The following IL1RAPL2 variants were observed in gnomAD, a reference collection of about 807,000 sequenced individuals.
IL1RAPL2 encodes the protein X-linked interleukin-1 receptor accessory protein-like 2.
Under a neutral mutation model 44.1 loss-of-function variants are expected in IL1RAPL2, and 3 were observed. The observed-to-expected ratio is 0.07, with a 90% CI of 0.03 to 0.18. The LOEUF is 0.18. Ranked by LOEUF, IL1RAPL2 falls within the 10% of genes least tolerant of loss-of-function variation. The pLI, the probability that IL1RAPL2 is intolerant of heterozygous loss-of-function variation, is 1.00. For missense variants in IL1RAPL2, 391 were observed against 496.4 expected, an observed-to-expected ratio of 0.79 and a Z score of 2.02; for synonymous variants, 181 against 178.8, an observed-to-expected ratio of 1.01 and a Z score of -0.10.
intron 4 of IL1RAPL2, among the ~76,000 whole-genome samples, chrX:105,261,811 T>G (rs1434151629): frequency 9.0e-6 from 1 of 111,323 alleles, no homozygotes; most frequent in Non-Finnish European, 1.9e-5. Flanking sequence ...GGAGTCCTAA[T>G]TGATGTGTTG....
intron 2 of IL1RAPL2, among the ~76,000 whole-genome samples, chrX:104,964,122 T>C (rs2030066030): frequency 9.1e-6 from 1 of 110,394 alleles, no homozygotes; most frequent in African/African-American, 3.3e-5. Flanking sequence ...TTTTCAGAAC[T>C]AATATCCATT....
At chrX:105,243,758 C>T (rs1286635757) in intron 4 of IL1RAPL2, among the ~76,000 whole-genome samples, 1 of 109,164 alleles carries the variant, frequency 9.2e-6, no homozygotes, top group African/African-American at 3.3e-5. Flanking sequence ...AGAATAGGGC[C>T]AACAAAGCAT....
At chrX:104,883,726 G>A (rs1489120688) in intron 2 of IL1RAPL2, among the ~76,000 whole-genome samples, 1 of 110,968 alleles carries the variant, frequency 9.0e-6, no homozygotes, top group Non-Finnish European at 1.9e-5. Context: ...AGGCACCCAG[G>A]CTCACCAATC....
At chrX:105,042,122 C>A (rs2031754022) in intron 2 of IL1RAPL2, among the ~76,000 whole-genome samples, 2 of 111,210 alleles carry the variant, frequency 1.8e-5, no homozygotes, top group South Asian at 3.8e-4. Flanking sequence ...ACCATAAAAA[C>A]CCTAGAAGAA....
chrX:104,677,261 A>G (rs1299870942), intron 2 of IL1RAPL2, among the ~76,000 whole-genome samples: 1 of 110,836 alleles, frequency 9.0e-6, no homozygotes, highest in Admixed American at 9.6e-5. Flanking sequence ...ATGGTGATGT[A>G]CAGATGGGTT....
chrX:105,492,568 CTAA>C (rs1171760456), intron 6 of IL1RAPL2, among the ~76,000 whole-genome samples: 10 of 109,333 alleles, frequency 9.1e-5, no homozygotes, highest in Admixed American at 9.9e-5. Flanking sequence ...AATTCTACTA[CTAA>C]TAATAATTAT....
chrX:104,928,457 C>T (rs936028770), intron 2 of IL1RAPL2, among the ~76,000 whole-genome samples: 4 of 111,323 alleles, frequency 3.6e-5, no homozygotes, highest in African/African-American at 1.3e-4. Context: ...TTGGAAGAAA[C>T]ATTTTAGCTT....
chrX:105,047,259 C>T (rs1303221568), intron 2 of IL1RAPL2, among the ~76,000 whole-genome samples: 1 of 111,473 alleles, frequency 9.0e-6, no homozygotes, highest in East Asian at 2.8e-4. Context: ...TTCCAAAAAG[C>T]ATCACAGCTT....
chrX:105,188,074 G>C (rs2033605196), intron 2 of IL1RAPL2, among the ~76,000 whole-genome samples: 1 of 111,652 alleles, frequency 9.0e-6, no homozygotes, highest in African/African-American at 3.3e-5. Flanking sequence ...ATAGTCTTCA[G>C]TGTCTTTAAG....
chrX:104,923,654 G>A (rs1473392358), intron 2 of IL1RAPL2, among the ~76,000 whole-genome samples: 2 of 111,569 alleles, frequency 1.8e-5, no homozygotes, highest in African/African-American at 6.5e-5. Context: ...GCTCAAAGGT[G>A]TGATAAACAT....
At position 105,392,156 on chromosome X, in the gene IL1RAPL2, T is replaced by TA. The variant is rs1283898555; in HGVS notation, c.698-92150dup. Among the ~76,000 whole-genome samples, 5 of 106,984 alleles carry TA rather than the reference T, an allele frequency of 4.7e-5. No homozygotes were observed. In the Admixed American group the frequency reaches 5.1e-4, roughly 11 times the overall value. The allele number at this position is 106,984 out of a possible 115,157, so 92.9% of individuals were successfully genotyped here. A position where few individuals can be genotyped will look rare whatever the true frequency, so the allele number is the denominator to read the frequency against. ...AACTTAAAGTATAATAATAATAAAA[T>TA]AAAAAAATAAAAAATAAAAAAAAAA... On this transcript the variant is annotated intron_variant, in intron 5 of 10. Transcript: ENST00000372582.
At chrX:105,210,460 C>T (rs1477229579) in intron 3 of IL1RAPL2, among the ~76,000 whole-genome samples, 2 of 110,681 alleles carry the variant, frequency 1.8e-5, no homozygotes, top group East Asian at 2.9e-4. Context: ...AGTGGACATT[C>T]GGCAATATCT....
chrX:105,081,586 TC>T (rs2032407687), intron 2 of IL1RAPL2, among the ~76,000 whole-genome samples: 1 of 111,570 alleles, frequency 9.0e-6, no homozygotes, highest in Non-Finnish European at 1.9e-5. Flanking sequence ...AGCTCCTTGG[TC>T]CCATTCAGTA....
intron 2 of IL1RAPL2, among the ~76,000 whole-genome samples, chrX:104,979,997 C>G (rs1270298419): frequency 8.9e-6 from 1 of 111,927 alleles, no homozygotes; most frequent in East Asian, 2.8e-4. Context: ...TACAGATATA[C>G]TTGTGTATGC....
chrX:105,374,010 T>C (rs1263460180), intron 5 of IL1RAPL2, among the ~76,000 whole-genome samples: 1 of 108,212 alleles, frequency 9.2e-6, no homozygotes, highest in African/African-American at 3.4e-5. Context: ...TCCCAGCTAC[T>C]TGGGAGGCTG....
intron 10 of IL1RAPL2, among the ~76,000 whole-genome samples, chrX:105,757,168 C>T (rs968432346): frequency 1.8e-5 from 2 of 111,706 alleles, no homozygotes; most frequent in Admixed American, 1.9e-4. Flanking sequence ...CCACTCTAGC[C>T]AAACTGTGCC....
At chrX:104,622,574 T>C (rs1338674916) in intron 1 of IL1RAPL2, among the ~76,000 whole-genome samples, 1 of 111,292 alleles carries the variant, frequency 9.0e-6, no homozygotes, top group Non-Finnish European at 1.9e-5. Context: ...TTTTTACTAG[T>C]AGATGGGTTG....
At chrX:105,632,577 C>T (rs1196044291) in intron 6 of IL1RAPL2, among the ~76,000 whole-genome samples, 2 of 111,397 alleles carry the variant, frequency 1.8e-5, no homozygotes, top group African/African-American at 6.5e-5. Flanking sequence ...TCTCTTTTGC[C>T]CCCATACAGA....
chrX:105,150,572 A>G (rs1272137699), intron 2 of IL1RAPL2, among the ~76,000 whole-genome samples: 1 of 112,018 alleles, frequency 8.9e-6, no homozygotes, highest in Non-Finnish European at 1.9e-5. Context: ...TCTGTTTCAG[A>G]CTAGACTGGA....
Sources: gnomAD v4.1 joint callset for allele counts (sites outside exome capture counted in the v4.1 genomes callset) on GRCh38, gnomAD v4.1.1 for gene constraint, MANE v1.5 for transcripts, NCBI Gene and HGNC (gene_info 2026-07-23, HGNC 2026-07-21) for gene names.